Variants in SLC23A1 observed in about 807,000 individuals in gnomAD.
The protein encoded by SLC23A1 is solute carrier family 23 member 1, also known as Na(+)/L-ascorbic acid transporter 1.
SLC23A1 carries 31 observed loss-of-function variants against 62.5 expected under a neutral mutation model. The ratio of observed to expected loss-of-function variants is 0.50; its 90% CI spans 0.37 to 0.67. The LOEUF (loss-of-function observed/expected upper bound fraction) is 0.67. Ranked by LOEUF, SLC23A1 falls within the 30% of genes least tolerant of loss-of-function variation. The pLI is 0.00. For missense variants in SLC23A1, 640 were observed against 782.7 expected (o/e 0.82, Z 2.18); for synonymous variants, 271 against 313.2 (o/e 0.87, Z 1.42).
intron 14 of SLC23A1, chr5:139,368,916 T>G: frequency 1.4e-6 from 1 of 702,260 alleles, no homozygotes; most frequent in Non-Finnish European, 2.5e-6. Context: ...ATTGCCAAAG[T>G]TTTTGTTAGT....
At chr5:139,374,365 G>A (rs1245498449) in intron 13 of SLC23A1, among the ~76,000 whole-genome samples, 1 of 152,148 alleles carries the variant, frequency 6.6e-6, no homozygotes, top group Non-Finnish European at 1.5e-5. Context: ...GGAGAATGGT[G>A]TGAACCTGGG....
At chr5:139,370,831 C>G (rs888563496) in intron 14 of SLC23A1, among the ~76,000 whole-genome samples, 1 of 151,976 alleles carries the variant, frequency 6.6e-6, no homozygotes, top group Non-Finnish European at 1.5e-5. Context: ...TGGCTCACGC[C>G]TGTAATCCCA....
upstream of SLC23A1, chr5:139,383,394 G>C (rs1659550749): frequency 6.1e-6 from 9 of 1,469,190 alleles, no homozygotes; most frequent in African/African-American, 1.1e-4. Context: ...ATTGCGAAAG[G>C]GGGGCCCGGG....
Position 139,378,945 on chromosome 5 carries a change from T to A in SLC23A1, c.1074-261A>T, listed in dbSNP as rs1758089645. Among the ~76,000 whole-genome samples, 1 of 152,154 alleles carries A rather than the reference T, an allele frequency of 6.6e-6. No homozygotes were observed. The highest frequency in any genetic ancestry group is 1.5e-5 in the Non-Finnish European group (1 of 68,018). On this transcript the variant is annotated intron_variant, in intron 9 of 14. Transcript: ENST00000348729. The surrounding 1 kb of genome is among the most constrained non-coding windows in gnomAD (Gnocchi z 4.5). The stretch of plus-strand genomic sequence containing the variant: ...CTCACAAAATGCTTCAAAGATTGCA[T>A]AAGAATGCACAGTCAGAGCCGGGCA...
intron 13 of SLC23A1, among the ~76,000 whole-genome samples, chr5:139,375,784 G>A (rs895773282): frequency 2.7e-5 from 4 of 148,594 alleles, no homozygotes; most frequent in African/African-American, 5.0e-5. Context: ...GCAGTGAGCC[G>A]AGATCACGCC....
At position 139,379,932 on chromosome 5, in the gene SLC23A1, C is replaced by G; in HGVS notation, c.768+24G>C. 6.2e-7 allele frequency: 1 copy of G among 1,614,150 alleles called. No homozygotes were observed. The highest frequency in any genetic ancestry group is 8.5e-7 in the Non-Finnish European group (1 of 1,180,018). On this transcript the variant is annotated intron_variant, in intron 7 of 14. Coordinates refer to ENST00000348729, the MANE Select transcript of SLC23A1 (RefSeq NM_005847.5). This position sits in a 1 kb window ranked among gnomAD's most constrained non-coding sequence, Gnocchi z 4.7. ...CCCAAGCCCTGGCCATAGTCCCAGC[C>G]CCAGCCGCCTGCCAGGTCCTCACAG...
intron 1 of SLC23A1, 54 bp downstream of exon 1, chr5:139,383,164 T>G: frequency 6.1e-6 from 2 of 327,502 alleles, no homozygotes; most frequent in East Asian, 5.2e-5. Flanking sequence ...GCACAGGCCC[T>G]CCAGCCCCCC....
upstream of SLC23A1, among the ~76,000 whole-genome samples, chr5:139,383,585 G>A (rs556877696): frequency 6.6e-6 from 1 of 152,284 alleles, no homozygotes; most frequent in Non-Finnish European, 1.5e-5. Flanking sequence ...CGGAGAAAGA[G>A]GGAGTGGAAA....
chr5:139,369,225 A>G (rs1459287828), intron 14 of SLC23A1: 1 of 153,700 alleles, frequency 6.5e-6, no homozygotes, highest in Non-Finnish European at 1.5e-5. Flanking sequence ...AAGAATCTCC[A>G]TTTTCTGAAG....
chr5:139,368,778 G>T, intron 14 of SLC23A1: 3 of 1,613,076 alleles, frequency 1.9e-6, no homozygotes, highest in Non-Finnish European at 8.5e-7. Flanking sequence ...TGTTCCTGGG[G>T]TGAAGTACGG....
At chr5:139,382,162 C>T (rs960278917) in intron 2 of SLC23A1, 113 bp from the exon 3 acceptor site, 30 of 1,062,568 alleles carry the variant, frequency 2.8e-5, no homozygotes, top group Non-Finnish European at 4.0e-5. Flanking sequence ...GGCTGCCTGC[C>T]CAGGACTGGC....
intron 13 of SLC23A1, 96 bp from the exon 14 acceptor site, chr5:139,372,349 G>A: frequency 8.6e-7 from 1 of 1,168,128 alleles, no homozygotes; most frequent in South Asian, 1.5e-5. Flanking sequence ...CTGGAATCAA[G>A]TATCTTCCTT....
At chr5:139,369,289 A>G (rs994441830) in intron 14 of SLC23A1, 1 of 153,190 alleles carries the variant, frequency 6.5e-6, no homozygotes, top group African/African-American at 2.4e-5. Flanking sequence ...CATATTACTG[A>G]GGCTACAAGT....
chr5:139,380,912 GGGTGGGGAGGGGCGGGT>G, intron 3 of SLC23A1, 26 bp from the exon 4 acceptor site: 1 of 861,590 alleles, frequency 1.2e-6, no homozygotes, highest in Non-Finnish European at 1.9e-6. Context: ...AAAGCAACAG[GGGTGGGGAGGGGCGGGT>G]GGGGAGGAGG....
At chr5:139,376,441 T>TCCC (rs1454127628) in intron 13 of SLC23A1, among the ~76,000 whole-genome samples, 2 of 152,202 alleles carry the variant, frequency 1.3e-5, no homozygotes, top group East Asian at 3.9e-4. Flanking sequence ...GTGATGGGAT[T>TCCC]ACAGGCATGA....
chr5:139,373,405 C>T (rs1757785393), intron 13 of SLC23A1, among the ~76,000 whole-genome samples: 1 of 152,106 alleles, frequency 6.6e-6, no homozygotes, highest in Non-Finnish European at 1.5e-5. Flanking sequence ...GTGTCGAACT[C>T]CTGACCTCAA....
upstream of SLC23A1, chr5:139,384,525 C>T (rs777280093): frequency 2.3e-6 from 3 of 1,289,690 alleles, no homozygotes; most frequent in South Asian, 3.7e-5. Flanking sequence ...GGCTACTGCT[C>T]CCAATTTCCA....
rs763508174 is a variant in SLC23A1, at chr5:139,379,809, C to T, written c.794G>A (p.Trp265Ter). ...CAAGGTCAGGACATAGCAGAGCAGC[C>T]ACACGGTCATGATGGCCAGCATGAT... is the stretch of plus-strand genomic sequence containing the variant. ...FPIMLAIMTV[W>*]LLCYVLTLTD... Residue 265 changes from tryptophan (W) to a stop codon, truncating the protein, a stop_gained, in exon 8 of 15, where the codon TGG (tryptophan) becomes TAG (stop). Coordinates refer to ENST00000348729, the MANE Select transcript of SLC23A1 (RefSeq NM_005847.5). LOFTEE classifies it high-confidence loss of function. The surrounding 1 kb of genome is among the most constrained non-coding windows in gnomAD (Gnocchi z 4.7). 1.2e-6 allele frequency: 2 copies of T among 1,614,094 alleles called. No homozygotes were observed. Among genetic ancestry groups the T allele is most frequent in the Admixed American group, 3.3e-5 (2 of 60,022 alleles).
At chr5:139,368,797 G>A (rs772360139) in intron 14 of SLC23A1, 2 of 1,607,598 alleles carry the variant, frequency 1.2e-6, no homozygotes, top group Non-Finnish European at 1.7e-6. Context: ...GGAAATATTT[G>A]AGTAGACGGG....
Sources: gnomAD v4.1 joint callset for allele counts (sites outside exome capture counted in the v4.1 genomes callset) on GRCh38, gnomAD v4.1.1 for gene constraint, Gnocchi (gnomAD v3.1) non-coding constraint, MANE v1.5 for transcripts, NCBI Gene and HGNC (gene_info 2026-07-23, HGNC 2026-07-21) for gene names.